Variants in SEMA5A observed in about 807,000 individuals in gnomAD.
The protein encoded by SEMA5A is semaphorin-5A.
A neutral mutation model predicts 135.5 loss-of-function variants in SEMA5A; 55 were observed. The ratio of observed to expected loss-of-function variants is 0.41; its 90% CI spans 0.33 to 0.51. The LOEUF is 0.51. SEMA5A is among the 20% of genes least tolerant of loss of function. The probability of loss-of-function intolerance (pLI) is 0.37; values close to 1 mark genes in which losing one functional copy is unlikely to be tolerated. For synonymous variants in SEMA5A, 580 were observed against 546.5 expected, an observed-to-expected ratio of 1.06 and a Z score of -0.85; for missense variants, 1,290 against 1,419.9, an observed-to-expected ratio of 0.91 and a Z score of 1.47.
chr5:9,069,001 C>T (rs1737628044), intron 16 of SEMA5A, among the ~76,000 whole-genome samples: 1 of 152,202 alleles, frequency 6.6e-6, no homozygotes, highest in Non-Finnish European at 1.5e-5. Flanking sequence ...CGCCCAGCAG[C>T]TAGTTGTGAT....
intron 10 of SEMA5A, among the ~76,000 whole-genome samples, chr5:9,194,926 A>T (rs1745307944): frequency 6.6e-6 from 1 of 152,186 alleles, no homozygotes; most frequent in Admixed American, 6.5e-5. Flanking sequence ...GCTACAAGTT[A>T]TCCACTGCCT....
chr5:9,508,346 T>C (rs1195041342), intron 1 of SEMA5A, among the ~76,000 whole-genome samples: 1 of 152,162 alleles, frequency 6.6e-6, no homozygotes, highest in African/African-American at 2.4e-5. Context: ...AAATATCTTT[T>C]AAGTGGACCT....
intron 3 of SEMA5A, among the ~76,000 whole-genome samples, chr5:9,353,006 CAT>C (rs1754195528): frequency 6.9e-6 from 1 of 145,116 alleles, no homozygotes; most frequent in African/African-American, 2.6e-5. Flanking sequence ...ACATGCTAAG[CAT>C]AGTGTTTTAG....
chr5:9,228,784 G>C (rs1747462422), intron 6 of SEMA5A, among the ~76,000 whole-genome samples: 1 of 152,228 alleles, frequency 6.6e-6, no homozygotes, highest in Admixed American at 6.5e-5. Flanking sequence ...GATGCTGCAT[G>C]ATAACATGAT....
intron 19 of SEMA5A, among the ~76,000 whole-genome samples, chr5:9,052,838 T>C (rs1046355118): frequency 2.6e-5 from 4 of 152,204 alleles, no homozygotes; most frequent in African/African-American, 9.6e-5. Context: ...ATATTGTTTA[T>C]GGAATTTTAA....
intron 12 of SEMA5A, among the ~76,000 whole-genome samples, chr5:9,152,896 A>T (rs1742707198): frequency 6.6e-6 from 1 of 152,106 alleles, no homozygotes; most frequent in South Asian, 2.1e-4. Context: ...ACATGGTGAA[A>T]CCCTGTCTCT....
At chr5:9,097,636 G>C (rs1739392427) in intron 16 of SEMA5A, among the ~76,000 whole-genome samples, 1 of 152,180 alleles carries the variant, frequency 6.6e-6, no homozygotes, top group African/African-American at 2.4e-5. Context: ...TGAATGAGCA[G>C]AGCTAATATC....
intron 2 of SEMA5A, among the ~76,000 whole-genome samples, chr5:9,388,803 G>A (rs1387723222): frequency 2.0e-5 from 3 of 152,026 alleles, no homozygotes; most frequent in African/African-American, 7.2e-5. Context: ...GGAGGCTGAG[G>A]CAGGAGAATG....
intron 5 of SEMA5A, among the ~76,000 whole-genome samples, chr5:9,282,020 C>A (rs567552424): frequency 1.0e-3 from 152 of 152,016 alleles, no homozygotes; most frequent in African/African-American, 3.5e-3. Flanking sequence ...ACCATCTTGG[C>A]CAGGCTGGTC....
intron 1 of SEMA5A, among the ~76,000 whole-genome samples, chr5:9,538,875 G>A (rs944453529): frequency 6.6e-6 from 1 of 152,296 alleles, no homozygotes; most frequent in East Asian, 1.9e-4. Flanking sequence ...AGACGCAGCA[G>A]GACTCGTATT....
At chr5:9,410,854 T>A (rs569912698) in intron 2 of SEMA5A, among the ~76,000 whole-genome samples, 18 of 149,128 alleles carry the variant, frequency 1.2e-4, no homozygotes, top group Non-Finnish European at 2.1e-4. Context: ...CAAAAAAAAA[T>A]TTTAAAGAAT....
chr5:9,321,231 T>C (rs1261992413), intron 4 of SEMA5A, among the ~76,000 whole-genome samples: 1 of 152,190 alleles, frequency 6.6e-6, no homozygotes, highest in Non-Finnish European at 1.5e-5. Context: ...CTCCCAGCCA[T>C]GTATAACTGT....
intron 1 of SEMA5A, among the ~76,000 whole-genome samples, chr5:9,513,363 A>G (rs1736325875): frequency 6.6e-6 from 1 of 152,180 alleles, no homozygotes; most frequent in South Asian, 2.1e-4. Context: ...TCTAGATTCC[A>G]TCAAATTTCT....
At chr5:9,198,547 T>C (rs1221247379) in intron 9 of SEMA5A, among the ~76,000 whole-genome samples, 1 of 152,070 alleles carries the variant, frequency 6.6e-6, no homozygotes, top group Non-Finnish European at 1.5e-5. Context: ...AACACATCCT[T>C]ATGGAAAAGT....
intron 8 of SEMA5A, among the ~76,000 whole-genome samples, chr5:9,203,570 A>G (rs1745841237): frequency 6.6e-6 from 1 of 152,230 alleles, no homozygotes; most frequent in South Asian, 2.1e-4. Context: ...TATTCTGTCC[A>G]GGAAGACTAT....
At chr5:9,408,510 A>C (rs1028363148) in intron 2 of SEMA5A, among the ~76,000 whole-genome samples, 6 of 152,198 alleles carry the variant, frequency 3.9e-5, no homozygotes, top group African/African-American at 1.2e-4. Flanking sequence ...CAAATTACAG[A>C]AATTCCCTCC....
intron 2 of SEMA5A, among the ~76,000 whole-genome samples, chr5:9,391,687 C>T (rs72727284): frequency 0.012 from 1,772 of 152,282 alleles, 18 homozygotes; most frequent in Non-Finnish European, 0.019. Context: ...CCTCAAGCAC[C>T]TTCCTCTCTC....
chr5:9,474,209 G>A (rs1210662143), intron 1 of SEMA5A, among the ~76,000 whole-genome samples: 1 of 152,186 alleles, frequency 6.6e-6, no homozygotes, highest in African/African-American at 2.4e-5. Flanking sequence ...GTGAGAGAAA[G>A]GATCTTACGT....
chr5:9,166,781 G>C (rs1236275488), intron 11 of SEMA5A, among the ~76,000 whole-genome samples: 2 of 152,090 alleles, frequency 1.3e-5, no homozygotes, highest in African/African-American at 4.8e-5. Context: ...GAGCCCTCTG[G>C]GTATCCTTTC....
Sources: gnomAD v4.1 joint callset for allele counts (sites outside exome capture counted in the v4.1 genomes callset) on GRCh38, gnomAD v4.1.1 for gene constraint, MANE v1.5 for transcripts, NCBI Gene and HGNC (gene_info 2026-07-23, HGNC 2026-07-21) for gene names.